The following TUT4 variants were observed in gnomAD, a reference collection of about 807,000 sequenced individuals.
TUT4 encodes terminal uridylyl transferase 4.
In TUT4, 36 loss-of-function variants were observed where a neutral mutation model predicts 192.2. The observed-to-expected ratio is 0.19, with a 90% CI of 0.14 to 0.25. The LOEUF is 0.25. Among genes scored for constraint, TUT4 ranks in the 10% least tolerant of loss-of-function variants. The probability of loss-of-function intolerance (pLI) is 1.00; values close to 1 mark genes in which losing one functional copy is unlikely to be tolerated. For synonymous variants in TUT4, 618 were observed against 666.0 expected (o/e 0.93, Z 1.11); for missense variants, 1,493 against 1,957.2 (o/e 0.76, Z 4.47).
At chr1:52,445,029 G>GTA (rs61668654) in intron 24 of TUT4, among the ~76,000 whole-genome samples, 38,870 of 146,986 alleles carry the variant, frequency 0.26, 6,785 homozygotes, top group African/African-American at 0.52. Context: ...GTATATATGT[G>GTA]TATATATATA....
intron 1 of TUT4, among the ~76,000 whole-genome samples, chr1:52,546,378 G>A (rs1688098469): frequency 6.6e-6 from 1 of 152,082 alleles, no homozygotes; most frequent in African/African-American, 2.4e-5. Flanking sequence ...AAAAAAGAAG[G>A]AAATTCTGCA....
At chr1:52,512,139 A>T (rs139028997) in intron 3 of TUT4, among the ~76,000 whole-genome samples, 2 of 152,320 alleles carry the variant, frequency 1.3e-5, no homozygotes, top group Non-Finnish European at 2.9e-5. Context: ...TTGGTATTAC[A>T]CAGAATGGGG....
chr1:52,484,166 A>G (rs1249206567), intron 9 of TUT4, among the ~76,000 whole-genome samples: 1 of 152,116 alleles, frequency 6.6e-6, no homozygotes, highest in East Asian at 1.9e-4. Context: ...GTGAGCTATG[A>G]TGGCACCACT....
At chr1:52,493,984 T>A (rs979708463) in intron 6 of TUT4, among the ~76,000 whole-genome samples, 2 of 149,744 alleles carry the variant, frequency 1.3e-5, no homozygotes, top group Non-Finnish European at 3.0e-5. Context: ...TTTTTTTTTT[T>A]AAGAGACAAG....
chr1:52,447,983 G>A (rs1658084180), intron 20 of TUT4, among the ~76,000 whole-genome samples: 1 of 152,144 alleles, frequency 6.6e-6, no homozygotes, highest in South Asian at 2.1e-4. Flanking sequence ...TTCCATTTTT[G>A]ATGTGACAGT....
At chr1:52,447,625 C>A (rs934537441) in intron 20 of TUT4, among the ~76,000 whole-genome samples, 4 of 152,104 alleles carry the variant, frequency 2.6e-5, no homozygotes, top group Admixed American at 6.6e-5. Flanking sequence ...CGTAAGATGT[C>A]TGTGTAACTG....
At chr1:52,450,263 G>GT (rs1352874691) in intron 20 of TUT4, among the ~76,000 whole-genome samples, 4 of 152,046 alleles carry the variant, frequency 2.6e-5, no homozygotes, top group African/African-American at 9.7e-5. Flanking sequence ...GATGCCAATG[G>GT]TCAATACTTA....
intron 1 of TUT4, among the ~76,000 whole-genome samples, chr1:52,543,231 T>C (rs1571507298): frequency 6.6e-6 from 1 of 152,228 alleles, no homozygotes; most frequent in East Asian, 1.9e-4. Context: ...AACTAAAAAA[T>C]GGATTCAGCA....
At chr1:52,487,208 G>C (rs530856957) in intron 9 of TUT4, among the ~76,000 whole-genome samples, 2 of 152,218 alleles carry the variant, frequency 1.3e-5, no homozygotes, top group East Asian at 3.9e-4. Context: ...CACTTTGGGA[G>C]GCTAGGGTGG....
chr1:52,525,367 T>TC (rs1326051375), intron 2 of TUT4, among the ~76,000 whole-genome samples, 196 bp downstream of exon 2: 13 of 72,894 alleles, frequency 1.8e-4, no homozygotes, highest in Non-Finnish European at 3.2e-4. Context: ...TGAAAAGGCT[T>TC]TTTTTTTTTA....
intron 13 of TUT4, among the ~76,000 whole-genome samples, chr1:52,473,494 C>A (rs960852857): frequency 6.6e-6 from 1 of 152,120 alleles, no homozygotes; most frequent in African/African-American, 2.4e-5. Context: ...GTGGCATTGA[C>A]AGTGATAATA....
chr1:52,426,707 G>C (rs1165294871), intron 28 of TUT4, among the ~76,000 whole-genome samples: 1 of 152,168 alleles, frequency 6.6e-6, no homozygotes, highest in Non-Finnish European at 1.5e-5. Context: ...ACAAAAATAA[G>C]TGAAACTGGT....
At chr1:52,464,308 G>GC (rs2148736015) in intron 16 of TUT4, among the ~76,000 whole-genome samples, 1 of 152,106 alleles carries the variant, frequency 6.6e-6, no homozygotes, top group Admixed American at 6.5e-5. Context: ...AGGCTGGAGT[G>GC]CAGTGGCGTG....
chr1:52,550,216 T>C (rs982020344), intron 1 of TUT4, among the ~76,000 whole-genome samples: 4 of 152,276 alleles, frequency 2.6e-5, no homozygotes, highest in South Asian at 2.1e-4. Context: ...ACAATTCAGT[T>C]AGTACCCAGT....
chr1:52,520,942 G>A (rs1245514585), intron 2 of TUT4, among the ~76,000 whole-genome samples: 2 of 151,972 alleles, frequency 1.3e-5, no homozygotes, highest in South Asian at 2.1e-4. Flanking sequence ...ACAGGCACAC[G>A]CCACCATACC....
chr1:52,469,077 G>A (rs1664971751), intron 14 of TUT4, among the ~76,000 whole-genome samples: 1 of 152,220 alleles, frequency 6.6e-6, no homozygotes, highest in South Asian at 2.1e-4. Flanking sequence ...TTGTTTTAGG[G>A]CAGTGAAACT....
At chr1:52,497,566 A>G (rs776326803) in intron 4 of TUT4, among the ~76,000 whole-genome samples, 19 of 152,250 alleles carry the variant, frequency 1.2e-4, no homozygotes, top group African/African-American at 1.9e-4. Flanking sequence ...CAGCATATAC[A>G]GTATCAAGTT....
At chr1:52,475,598 T>C (rs1375215911) in intron 12 of TUT4, 63 bp from the exon 13 acceptor site, 2 of 1,399,810 alleles carry the variant, frequency 1.4e-6, no homozygotes, top group Admixed American at 4.5e-5. Flanking sequence ...TCCAAGCTCA[T>C]ACAAGTAGAT....
At chr1:52,425,326 A>AACT in intron 29 of TUT4, 23 bp downstream of exon 29, 1 of 1,608,042 alleles carries the variant, frequency 6.2e-7, no homozygotes, top group Non-Finnish European at 8.5e-7. Context: ...CAAGCCTGTT[A>AACT]ACTAATTTGT....
Sources: allele counts gnomAD v4.1 joint callset (sites outside exome capture counted in the v4.1 genomes callset), GRCh38; gene constraint gnomAD v4.1.1; transcripts MANE v1.5; gene names NCBI Gene and HGNC (gene_info 2026-07-23, HGNC 2026-07-21).